Variants in NCALD observed in about 807,000 individuals in gnomAD.
NCALD encodes neurocalcin-delta.
In NCALD, 10 loss-of-function variants were observed where a neutral mutation model predicts 18.6. That is an observed-to-expected ratio of 0.54 (90% CI 0.33 to 0.91). NCALD has a LOEUF of 0.91. Ranked by LOEUF, NCALD falls within the 40% of genes least tolerant of loss-of-function variation. NCALD has a pLI of 0.03. For missense variants in NCALD, 184 were observed against 247.6 expected (o/e 0.74, Z 1.72); for synonymous variants, 88 against 87.4 (o/e 1.01, Z -0.04).
At chr8:101,901,350 T>C (rs1371410054) in intron 3 of NCALD, among the ~76,000 whole-genome samples, 1 of 152,222 alleles carries the variant, frequency 6.6e-6, no homozygotes, top group South Asian at 2.1e-4. Flanking sequence ...TTTTCGCCAC[T>C]TGTAGTCAAT....
chr8:102,033,324 A>T (rs1822748373), intron 1 of NCALD, among the ~76,000 whole-genome samples: 1 of 152,204 alleles, frequency 6.6e-6, no homozygotes. Context: ...TTGAAAGCTT[A>T]TGGAACTATA....
Position 101,719,598 on chromosome 8 carries a change from T to C in NCALD, c.32A>G (p.Glu11Gly), listed in dbSNP as rs1465518869. 27 of 1,599,354 alleles carry C rather than the reference T, an allele frequency of 1.7e-5. No individual in the cohort carries two copies. Among genetic ancestry groups the C allele is most frequent in the Admixed American group, 3.5e-5 (2 of 56,958 alleles). The change falls in exon 2 of 4, where the codon GAG becomes GGG. Residue 11 changes from glutamate (E) to glycine (G), a missense_variant. Physicochemically the swap from Glu to Gly is moderately conservative, Grantham distance 98. Coordinates refer to ENST00000220931, the MANE Select transcript of NCALD (RefSeq NM_032041.3). ...GCTTTCCAGCAAGTCCTGCATGACCTCCGGGCGCAGCTTGCTGTTCTGTTT... is the reference window on the plus strand; with the variant it reads ...GCTTTCCAGCAAGTCCTGCATGACCCCCGGGCGCAGCTTGCTGTTCTGTTT... MGKQNSKLRP[E>G]VMQDLLESTD... is the part of the protein sequence containing the mutation.
chr8:102,006,268 T>A (rs1005656830), intron 2 of NCALD, among the ~76,000 whole-genome samples: 1 of 152,198 alleles, frequency 6.6e-6, no homozygotes, highest in Non-Finnish European at 1.5e-5. Context: ...GTTGACAAGC[T>A]GTACAGTTTC....
chr8:101,952,913 C>A (rs1819486101), intron 2 of NCALD, among the ~76,000 whole-genome samples: 1 of 152,174 alleles, frequency 6.6e-6, no homozygotes, highest in Non-Finnish European at 1.5e-5. Flanking sequence ...GAGGCAATAG[C>A]AAGACTTCTT....
At position 102,036,350 on chromosome 8, in the gene NCALD, T is replaced by G. The variant is rs1461553421; in HGVS notation, c.-209-16061A>C. 2.6e-5 allele frequency among the ~76,000 whole-genome samples: 4 copies of G among 151,334 alleles called. No homozygotes were observed. In the East Asian group the frequency reaches 7.7e-4, roughly 29 times the overall value. ...TAATATATATATCACTATATATATCTTTTTTCACTTAAAAGAGAAAAGTAA... is the reference window on the plus strand; with the variant it reads ...TAATATATATATCACTATATATATCGTTTTTCACTTAAAAGAGAAAAGTAA... On this transcript the variant is annotated intron_variant, in intron 1 of 6. Coordinates refer to the NCALD transcript ENST00000311028.
chr8:101,984,383 G>A (rs1187845179), intron 2 of NCALD, among the ~76,000 whole-genome samples: 3 of 152,162 alleles, frequency 2.0e-5, no homozygotes, highest in Non-Finnish European at 4.4e-5. Flanking sequence ...TGTGACATCA[G>A]ATAGCATCAC....
At chr8:101,974,658 A>G (rs1255042703) in intron 2 of NCALD, among the ~76,000 whole-genome samples, 1 of 152,242 alleles carries the variant, frequency 6.6e-6, no homozygotes, top group African/African-American at 2.4e-5. Context: ...ATAAGCTGAT[A>G]CAAGCAAACA....
At chr8:102,042,828 T>A (rs1823100183) in intron 1 of NCALD, among the ~76,000 whole-genome samples, 2 of 151,292 alleles carry the variant, frequency 1.3e-5, no homozygotes, top group Admixed American at 1.3e-4. Flanking sequence ...AGGGGGTGGG[T>A]AGTTTCTGAA....
intron 3 of NCALD, among the ~76,000 whole-genome samples, chr8:101,888,909 G>C (rs574957315): frequency 6.6e-6 from 1 of 152,298 alleles, no homozygotes; most frequent in African/African-American, 2.4e-5. Flanking sequence ...GACATTGCCA[G>C]TTGCCTATCC....
chr8:101,907,744 T>A (rs1281331902), intron 3 of NCALD, among the ~76,000 whole-genome samples: 1 of 152,132 alleles, frequency 6.6e-6, no homozygotes, highest in Non-Finnish European at 1.5e-5. Flanking sequence ...GAAACTACAT[T>A]TCATGCTTCT....
intron 1 of NCALD, among the ~76,000 whole-genome samples, chr8:102,078,449 A>G (rs1824419865): frequency 6.6e-6 from 1 of 152,158 alleles, no homozygotes; most frequent in South Asian, 2.1e-4. Flanking sequence ...CTTCCAATCA[A>G]TGGCTTTTTA....
chr8:102,093,824 C>T (rs1453906138), intron 1 of NCALD, among the ~76,000 whole-genome samples: 1 of 151,932 alleles, frequency 6.6e-6, no homozygotes, highest in Non-Finnish European at 1.5e-5. Context: ...CTGAAGTCAG[C>T]TCTCCACCCT....
chr8:101,840,593 A>G (rs963984921), intron 4 of NCALD, among the ~76,000 whole-genome samples: 1 of 152,184 alleles, frequency 6.6e-6, no homozygotes, highest in African/African-American at 2.4e-5. Flanking sequence ...TTTTTATTTA[A>G]GGGGAAAATA....
intron 3 of NCALD, 62 bp downstream of exon 3, chr8:101,692,729 G>A: frequency 6.6e-7 from 1 of 1,510,464 alleles, no homozygotes; most frequent in Non-Finnish European, 9.2e-7. Flanking sequence ...TTCCCAGTCT[G>A]GACTCTCCAG....
chr8:101,761,836 A>G (rs1811121064), intron 1 of NCALD, among the ~76,000 whole-genome samples: 1 of 152,254 alleles, frequency 6.6e-6, no homozygotes, highest in Non-Finnish European at 1.5e-5. Flanking sequence ...AGTGAAATGT[A>G]CAACTTCTGG....
intron 2 of NCALD, among the ~76,000 whole-genome samples, chr8:102,003,639 G>A (rs1821572311): frequency 6.6e-6 from 1 of 152,148 alleles, no homozygotes; most frequent in Admixed American, 6.5e-5. Flanking sequence ...ATAAAATACT[G>A]GCAAACTGAA....
At chr8:102,097,974 C>T (rs1825158078) in intron 1 of NCALD, among the ~76,000 whole-genome samples, 1 of 152,216 alleles carries the variant, frequency 6.6e-6, no homozygotes, top group South Asian at 2.1e-4. Flanking sequence ...AGACGTCATT[C>T]ACACAATGTG....
intron 1 of NCALD, among the ~76,000 whole-genome samples, chr8:102,106,833 T>G (rs1825472184): frequency 6.6e-6 from 1 of 152,168 alleles, no homozygotes; most frequent in African/African-American, 2.4e-5. Context: ...CCATTCTGTC[T>G]TTCGGTATGT....
chr8:101,804,735 A>C (rs1183260987), intron 4 of NCALD, among the ~76,000 whole-genome samples: 2 of 148,166 alleles, frequency 1.3e-5, no homozygotes, highest in Non-Finnish European at 3.0e-5. Flanking sequence ...AATGCTTTTA[A>C]AAACATAATG....
Sources: gnomAD v4.1 joint callset for allele counts (sites outside exome capture counted in the v4.1 genomes callset) on GRCh38, gnomAD v4.1.1 for gene constraint, MANE v1.5 for transcripts, NCBI Gene and HGNC (gene_info 2026-07-23, HGNC 2026-07-21) for gene names.